The following NCOR2 variants were observed in gnomAD, a reference collection of about 807,000 sequenced individuals.
NCOR2 encodes CTG repeat protein 26.
Under a neutral mutation model 262.9 loss-of-function variants are expected in NCOR2, and 81 were observed. The observed-to-expected ratio is 0.31, with a 90% confidence interval of 0.26 to 0.37. NCOR2 has a LOEUF of 0.37. NCOR2 is among the 10% of genes least tolerant of loss of function. The probability of loss-of-function intolerance (pLI) is 1.00; values close to 1 mark genes in which losing one functional copy is unlikely to be tolerated. For missense variants in NCOR2, 3,385 were observed against 3,621.4 expected, an observed-to-expected ratio of 0.93 and a Z score of 1.68; for synonymous variants, 1,659 against 1,559.3, an observed-to-expected ratio of 1.06 and a Z score of -1.51.
At chr12:124,535,181 A>G (rs1015703686) in intron 1 of NCOR2, among the ~76,000 whole-genome samples, 1 of 152,206 alleles carries the variant, frequency 6.6e-6, no homozygotes, top group Non-Finnish European at 1.5e-5. Context: ...ACCTGGGCCC[A>G]TCGACAGGCC....
rs539955334 is a variant in NCOR2 at position 124,342,996 on chromosome 12, G to A, written c.4936+9C>T. ...CACTGCAGGGTTCTGGGAGCCCCAGGGCAATCACCTGCGTCCAGAGGGATG... is the reference window on the plus strand; with the variant it reads ...CACTGCAGGGTTCTGGGAGCCCCAGAGCAATCACCTGCGTCCAGAGGGATG... On this transcript the variant is annotated intron_variant, in intron 33 of 46. Coordinates refer to ENST00000405201, the Ensembl canonical transcript of NCOR2. The A allele has an allele frequency of 2.5e-6, 4 of 1,610,182 alleles. No homozygotes were observed. In the South Asian group the frequency reaches 3.3e-5, roughly 13 times the overall value.
intron 18 of NCOR2, among the ~76,000 whole-genome samples, chr12:124,376,047 T>C (rs1013970494): frequency 6.6e-6 from 1 of 152,112 alleles, no homozygotes; most frequent in Non-Finnish European, 1.5e-5. Flanking sequence ...GCCTACCGGC[T>C]ATGTGCTGGG....
intron 20 of NCOR2, 128 bp from the exon 23 acceptor site, chr12:124,363,927 A>G: frequency 1.4e-6 from 1 of 733,994 alleles, no homozygotes; most frequent in Non-Finnish European, 1.9e-6. Flanking sequence ...CTGAGACACG[A>G]GGCGACTGTG....
chr12:124,381,468 C>T (rs577049718), intron 17 of NCOR2, among the ~76,000 whole-genome samples: 1 of 152,308 alleles, frequency 6.6e-6, no homozygotes, highest in South Asian at 2.1e-4. Flanking sequence ...CTGTCTCTCG[C>T]ACCAGCTCCT....
intron 20 of NCOR2, 26 bp from the exon 23 acceptor site, chr12:124,363,825 T>C (rs758689681): frequency 1.5e-6 from 2 of 1,317,728 alleles, no homozygotes; most frequent in South Asian, 5.1e-5. Flanking sequence ...CACCATCAGC[T>C]GGGGGCCCAC....
chr12:124,555,980 A>G (rs1317866334), intron 1 of NCOR2: 1 of 152,294 alleles, frequency 6.6e-6, no homozygotes, highest in Non-Finnish European at 1.5e-5. Context: ...AGGACCTCCC[A>G]TAACGCTCAA....
chr12:124,362,355 A>G, intron 21 of NCOR2, 58 bp from the exon 24 acceptor site: 1 of 1,325,500 alleles, frequency 7.5e-7, no homozygotes. Flanking sequence ...TGACAGGGTC[A>G]GGGAGAGACA....
rs1398766640 is a variant in NCOR2, at chr12:124,454,578, C to G, written c.762+2528G>C. The stretch of plus-strand genomic sequence containing the variant: ...CCCCAGGAGGCCCCCGGGGACCAAT[C>G]AGGAAACGGGAGCGGGAGGACCCGG... On this transcript the variant is annotated intron_variant, in intron 6 of 46. Transcript: ENST00000405201. This position sits in a 1 kb window ranked among gnomAD's most constrained non-coding sequence, Gnocchi z 5.6. 6.6e-6 allele frequency among the ~76,000 whole-genome samples: 1 copy of G among 152,174 alleles called. No homozygotes were observed. The highest frequency in any genetic ancestry group is 2.4e-5 in the African/African-American group (1 of 41,446).
chr12:124,500,969 T>A (rs1288010397), intron 1 of NCOR2, among the ~76,000 whole-genome samples: 1 of 151,760 alleles, frequency 6.6e-6, no homozygotes, highest in Admixed American at 6.6e-5. Context: ...GGTGCTGACA[T>A]TGGAAGAACC....
rs1427722729 is a variant in NCOR2, at chr12:124,504,649, GACAA to G, written c.-117-9285_-117-9282del. ...GAAACAACCCAAATGTCCATCTACT[GACAA>G]ACAGATGAAACAAACGCAGTCTGTC... On this transcript the variant is annotated intron_variant, in intron 1 of 46. Transcript: ENST00000404621. The surrounding 1 kb of genome is among the most constrained non-coding windows in gnomAD (Gnocchi z 4.5). Among the ~76,000 whole-genome samples the G allele has an allele frequency of 1.3e-5, 2 of 152,216 alleles. No individual in the cohort carries two copies. Among genetic ancestry groups the G allele is most frequent in the Non-Finnish European group, 2.9e-5 (2 of 68,052 alleles).
Position 124,457,183 on chromosome 12 carries a change from G to A in NCOR2, c.706-21C>T, listed in dbSNP as rs769526892. 2 of 1,535,964 alleles carry A rather than the reference G, an allele frequency of 1.3e-6. No homozygotes were observed. Among genetic ancestry groups the A allele is most frequent in the Non-Finnish European group, 8.7e-7 (1 of 1,152,782 alleles). ...TTCTTCTGCAGGGTGATGGCGAAGA[G>A]GAGGAATTTTTTTAAAAAACAAAAA... On this transcript the variant is annotated intron_variant, in intron 5 of 46. Coordinates refer to ENST00000405201, the Ensembl canonical transcript of NCOR2. The surrounding 1 kb of genome is among the most constrained non-coding windows in gnomAD (Gnocchi z 4.0).
exon 30 of NCOR2, chr12:124,347,851 T>C: frequency 6.4e-7 from 1 of 1,567,632 alleles, no homozygotes; most frequent in East Asian, 2.4e-5. Flanking sequence ...GCGGATGTGG[T>C]GCTGCTCTTT....
At chr12:124,516,410 A>T (rs1192393085) in intron 1 of NCOR2, among the ~76,000 whole-genome samples, 3 of 152,202 alleles carry the variant, frequency 2.0e-5, no homozygotes, top group Non-Finnish European at 2.9e-5. Flanking sequence ...TCCCAAACAA[A>T]GGCAGAGCCT....
intron 4 of NCOR2, among the ~76,000 whole-genome samples, chr12:124,469,156 C>A (rs1336839612): frequency 6.6e-6 from 1 of 152,058 alleles, no homozygotes; most frequent in Non-Finnish European, 1.5e-5. Context: ...AAGGCCAATG[C>A]CCCATTCTGC....
At chr12:124,452,982 G>A (rs188574506) in intron 6 of NCOR2, among the ~76,000 whole-genome samples, 35 of 152,268 alleles carry the variant, frequency 2.3e-4, no homozygotes, top group South Asian at 1.4e-3. Flanking sequence ...GGAGCCCAGG[G>A]GAGGCTCTGG....
chr12:124,480,118 G>T (rs949318140), intron 3 of NCOR2, among the ~76,000 whole-genome samples: 1 of 152,160 alleles, frequency 6.6e-6, no homozygotes, highest in African/African-American at 2.4e-5. Context: ...AATCCAATCC[G>T]GCCGCACTGG....
chr12:124,335,103 G>A lies in NCOR2; in HGVS notation c.6411+32C>T, dbSNP rs368042104. ...AGGCCTGGTGCCCCCAGGTGCAAAG[G>A]TGACAAGCAGCAGCAGAGAACGCGT... On this transcript the variant is annotated intron_variant, in intron 40 of 46. Transcript: ENST00000405201. 46 of 1,612,288 alleles carry A rather than the reference G, an allele frequency of 2.9e-5. No homozygotes were observed. In the African/African-American group the frequency reaches 5.6e-4, roughly 20 times the overall value.
chr12:124,443,246 T>C lies in NCOR2; in HGVS notation c.816-5250A>G, dbSNP rs891832365. On this transcript the variant is annotated intron_variant, in intron 7 of 46. Coordinates refer to ENST00000405201, the Ensembl canonical transcript of NCOR2. The surrounding 1 kb of genome is among the most constrained non-coding windows in gnomAD (Gnocchi z 4.4). ...CGGTGAGCATGAGGCCTCGGGGTGG[T>C]GGTGATGTGCATGCAGCCGTCTGTT... is the stretch of plus-strand genomic sequence containing the variant. Among the ~76,000 whole-genome samples, 4 of 152,100 alleles carry C rather than the reference T, an allele frequency of 2.6e-5. No homozygotes were observed. The highest frequency in any genetic ancestry group is 4.8e-5 in the African/African-American group (2 of 41,428).
chr12:124,345,755 C>A (rs1359189656), intron 31 of NCOR2, among the ~76,000 whole-genome samples: 1 of 152,196 alleles, frequency 6.6e-6, no homozygotes, highest in Admixed American at 6.5e-5. Context: ...GATCTTACTG[C>A]TTCTGCCTTC....
Sources: allele counts gnomAD v4.1 joint callset (sites outside exome capture counted in the v4.1 genomes callset), GRCh38; gene constraint gnomAD v4.1.1; non-coding constraint Gnocchi (gnomAD v3.1); transcripts MANE v1.5; gene names NCBI Gene and HGNC (gene_info 2026-07-23, HGNC 2026-07-21).